SOS2: variants seen among roughly 807,000 people sequenced by gnomAD.
SOS2 encodes the protein SOS Ras/Rho guanine nucleotide exchange factor 2, also known as son of sevenless homolog 2.
Under a neutral mutation model 148.2 loss-of-function variants are expected in SOS2, and 65 were observed. The observed-to-expected ratio is 0.44, with a 90% CI of 0.36 to 0.54. SOS2 has a LOEUF of 0.54. Ranked by LOEUF, SOS2 falls within the 20% of genes least tolerant of loss-of-function variation. The pLI, the probability that SOS2 is intolerant of heterozygous loss-of-function variation, is 0.00. For synonymous variants in SOS2, 539 were observed against 537.1 expected, an observed-to-expected ratio of 1.00 and a Z score of -0.05; for missense variants, 1,341 against 1,590.2, an observed-to-expected ratio of 0.84 and a Z score of 2.67.
intron 8 of SOS2, among the ~76,000 whole-genome samples, chr14:50,165,595 A>C (rs774971242): frequency 6.6e-6 from 1 of 152,110 alleles, no homozygotes; most frequent in Non-Finnish European, 1.5e-5. Context: ...TAATATTGTA[A>C]TTATTTGTTT....
intron 21 of SOS2, among the ~76,000 whole-genome samples, chr14:50,127,997 A>T (rs926437622): frequency 6.6e-6 from 1 of 152,244 alleles, no homozygotes; most frequent in Admixed American, 6.5e-5. Context: ...CACAAAATAA[A>T]CAAAAAAAGG....
chr14:50,131,014 A>G (rs1490398793), intron 19 of SOS2, among the ~76,000 whole-genome samples: 2 of 152,220 alleles, frequency 1.3e-5, no homozygotes, highest in Non-Finnish European at 2.9e-5. Context: ...TTGAAATTTT[A>G]TGTGAAAATC....
At position 50,122,391 on chromosome 14, in the gene SOS2, C is replaced by CTTTTT. The variant is rs71118839; in HGVS notation, c.3380-2012_3380-2008dup. ...ATGAAGAGTGAAAAAGAACCCTGGGCTTTTTTTTTTTTTTTTTTTTTTGAG... is the reference window on the plus strand; with the variant it reads ...ATGAAGAGTGAAAAAGAACCCTGGGCTTTTTTTTTTTTTTTTTTTTTTTTTTTGAG... On this transcript the variant is annotated intron_variant, in intron 21 of 22. Transcript: ENST00000216373. 8.0e-3 allele frequency among the ~76,000 whole-genome samples: 705 copies of CTTTTT among 88,240 alleles called. 27 individuals are homozygous for CTTTTT. Among genetic ancestry groups the CTTTTT allele is most frequent in the Non-Finnish European group, 9.0e-3 (453 of 50,334 alleles). 57.9% of individuals were successfully genotyped at this position (88,240 alleles called of 152,430 possible).
At chr14:50,160,325 GATT>G (rs1884955367) in intron 9 of SOS2, among the ~76,000 whole-genome samples, 1 of 142,378 alleles carries the variant, frequency 7.0e-6, no homozygotes, top group Non-Finnish European at 1.5e-5. Flanking sequence ...TTCTTTCATA[GATT>G]ATATTTTTAA....
intron 19 of SOS2, among the ~76,000 whole-genome samples, chr14:50,132,354 T>A (rs1355659064): frequency 3.2e-5 from 2 of 62,988 alleles, no homozygotes; most frequent in Non-Finnish European, 2.8e-5. Context: ...CTATTGCCAT[T>A]AAAAAAAAAA....
chr14:50,169,776 T>C (rs967432791), intron 8 of SOS2, among the ~76,000 whole-genome samples: 2 of 152,214 alleles, frequency 1.3e-5, no homozygotes, highest in Admixed American at 6.5e-5. Context: ...TTGTTACATA[T>C]ATATAGTTAA....
At chr14:50,189,654 C>T (rs1886058568) in intron 4 of SOS2, among the ~76,000 whole-genome samples, 1 of 152,042 alleles carries the variant, frequency 6.6e-6, no homozygotes, top group South Asian at 2.1e-4. Flanking sequence ...CAGTGCGATG[C>T]ATTTCTGATG....
chr14:50,184,862 T>TC (rs1555371756), intron 5 of SOS2, among the ~76,000 whole-genome samples: 19,282 of 56,856 alleles, frequency 0.34, 2,065 homozygotes, highest in Middle Eastern at 0.41. Context: ...AGACCCTGTC[T>TC]CCAAAAAAAA....
intron 16 of SOS2, among the ~76,000 whole-genome samples, chr14:50,143,326 T>C (rs1257202990): frequency 2.5e-5 from 1 of 40,026 alleles, no homozygotes; most frequent in Non-Finnish European, 4.8e-5. Flanking sequence ...CTTGACTCTT[T>C]AGGAAAAAAA....
At chr14:50,220,581 C>T (rs1273932821) in intron 1 of SOS2, among the ~76,000 whole-genome samples, 1 of 151,900 alleles carries the variant, frequency 6.6e-6, no homozygotes, top group Non-Finnish European at 1.5e-5. Flanking sequence ...TATCTGGAGA[C>T]CTGGTTCTCA....
In SOS2 at chr14:50,168,027, T is replaced by C. The variant is rs191615831; in HGVS notation, c.1069-6418A>G. Among the ~76,000 whole-genome samples, 306 of 152,346 alleles carry C rather than the reference T, an allele frequency of 2.0e-3. 5 individuals carry two copies. Among genetic ancestry groups the C allele is most frequent in the Admixed American group, 0.016 (243 of 15,302 alleles). ...GGTTGATCTTCCTCAATGAACCTCA[T>C]TGAAGTTATTACTAAGTTTTCCTGT... On this transcript the variant is annotated intron_variant, in intron 8 of 22. Coordinates refer to ENST00000216373, the MANE Select transcript of SOS2 (RefSeq NM_006939.4).
At chr14:50,185,365 C>T (rs1047590661) in intron 5 of SOS2, among the ~76,000 whole-genome samples, 3 of 152,082 alleles carry the variant, frequency 2.0e-5, no homozygotes, top group Non-Finnish European at 4.4e-5. Context: ...TCCTCACATA[C>T]GTTGTCACAG....
At chr14:50,160,239 C>T (rs1594980999) in intron 9 of SOS2, among the ~76,000 whole-genome samples, 153 bp from the exon 10 acceptor site, 1 of 152,114 alleles carries the variant, frequency 6.6e-6, no homozygotes, top group South Asian at 2.1e-4. Flanking sequence ...CTAAATAATA[C>T]AGCCCTCAAT....
At chr14:50,186,509 C>A (rs1370342458) in intron 5 of SOS2, among the ~76,000 whole-genome samples, 1 of 151,860 alleles carries the variant, frequency 6.6e-6, no homozygotes, top group African/African-American at 2.4e-5. Context: ...CAGCTAGGCA[C>A]AGTGGCTCAA....
chr14:50,175,066 G>GA (rs11385301), intron 7 of SOS2, among the ~76,000 whole-genome samples: 132,408 of 152,156 alleles, frequency 0.87, 57,688 homozygotes, highest in East Asian at 0.91. Flanking sequence ...AGCAACATCA[G>GA]CTCAGTTTGT....
intron 3 of SOS2, 46 bp downstream of exon 3, chr14:50,200,907 C>G: frequency 3.2e-6 from 5 of 1,567,278 alleles, no homozygotes; most frequent in Non-Finnish European, 4.4e-6. Context: ...TAAAATATTA[C>G]TTGTTATAAA....
intron 18 of SOS2, among the ~76,000 whole-genome samples, chr14:50,135,627 T>G (rs927624256): frequency 1.0e-4 from 15 of 146,848 alleles, no homozygotes; most frequent in African/African-American, 3.7e-4. Context: ...AATTAACTTT[T>G]TTCAATGTGG....
chr14:50,121,149 G>C (rs1020846028), intron 21 of SOS2, among the ~76,000 whole-genome samples: 1 of 152,054 alleles, frequency 6.6e-6, no homozygotes, highest in East Asian at 1.9e-4. Context: ...CTTTGTCTTT[G>C]CAAGTCTCTC....
At chr14:50,121,148 T>C (rs1883492383) in intron 21 of SOS2, among the ~76,000 whole-genome samples, 2 of 152,200 alleles carry the variant, frequency 1.3e-5, no homozygotes, top group African/African-American at 4.8e-5. Context: ...TCTTTGTCTT[T>C]GCAAGTCTCT....
Sources: allele counts gnomAD v4.1 joint callset (sites outside exome capture counted in the v4.1 genomes callset), GRCh38; gene constraint gnomAD v4.1.1; transcripts MANE v1.5; gene names NCBI Gene and HGNC (gene_info 2026-07-23, HGNC 2026-07-21).